NLRP8: variants seen among roughly 807,000 people sequenced by gnomAD.
NLRP8 encodes NLR family pyrin domain containing 8.
In NLRP8, 86 loss-of-function variants were observed where a neutral mutation model predicts 88.7. The ratio of observed to expected loss-of-function variants is 0.97; its 90% CI spans 0.81 to 1.16. The LOEUF is 1.16. Among genes scored for constraint, NLRP8 ranks in the 50% most tolerant of loss-of-function variants. The pLI, the probability that NLRP8 is intolerant of heterozygous loss-of-function variation, is 0.00. For synonymous variants in NLRP8, 504 were observed against 494.6 expected (o/e 1.02, Z -0.25); for missense variants, 1,342 against 1,286.5 (o/e 1.04, Z -0.66).
Position 55,955,458 on chromosome 19 carries a change from G to A in NLRP8, c.1400G>A (p.Trp467Ter). 2.5e-6 allele frequency: 4 copies of A among 1,614,118 alleles called. No individual in the cohort carries two copies. Among genetic ancestry groups the A allele is most frequent in the East Asian group, 4.5e-5 (2 of 44,900 alleles). Residue 467 changes from tryptophan to a stop codon, truncating the protein, a stop_gained, in exon 3 of 10, where the codon TGG becomes TAG. Coordinates refer to ENST00000291971, the MANE Select transcript of NLRP8 (RefSeq NM_176811.2). LOFTEE classifies it high-confidence loss of function. ...GCAGACAGCATGTGGCACAGGAAAT[G>A]GGTGTTAGGTAAAGAAGATCTTGAG...
At chr19:55,985,039 C>G (rs1051291965) in intron 9 of NLRP8, among the ~76,000 whole-genome samples, 3 of 152,188 alleles carry the variant, frequency 2.0e-5, no homozygotes, top group African/African-American at 4.8e-5. Flanking sequence ...CGCGGTGGCT[C>G]ACGCCTGTCA....
At chr19:55,977,369 A>G (rs62638011) in intron 8 of NLRP8, among the ~76,000 whole-genome samples, 7,895 of 144,112 alleles carry the variant, frequency 0.055, 287 homozygotes, top group Non-Finnish European at 0.081. Flanking sequence ...ATATATAAGT[A>G]TATATAAATA....
intron 9 of NLRP8, among the ~76,000 whole-genome samples, chr19:55,986,858 G>A (rs946883933): frequency 2.6e-5 from 4 of 152,070 alleles, no homozygotes; most frequent in African/African-American, 7.2e-5. Flanking sequence ...TGCCCTTCCC[G>A]CTTTTGTTCT....
At chr19:55,986,739 G>A (rs976778426) in intron 9 of NLRP8, among the ~76,000 whole-genome samples, 9 of 152,180 alleles carry the variant, frequency 5.9e-5, no homozygotes, top group African/African-American at 2.2e-4. Context: ...ACGTGGGCGT[G>A]GAGCTGGGCG....
rs550499918 is a variant in NLRP8 at position 55,974,735 on chromosome 19, C to CAAAA, written c.2705+925_2705+928dup. 4.7e-4 allele frequency among the ~76,000 whole-genome samples: 37 copies of CAAAA among 78,520 alleles called. 1 individual carries two copies. Among genetic ancestry groups the CAAAA allele is most frequent in the Admixed American group, 4.2e-4 (3 of 7,128 alleles). The allele number at this position is 78,520 out of a possible 152,430, so 51.5% of individuals were successfully genotyped here. ...TGGGCGACAGAGTGAGACTCTGTCT[C>CAAAA]AAAAAAAAAAAAAAAGAAAGAAAAA... On this transcript the variant is annotated intron_variant, in intron 7 of 9. Transcript: ENST00000291971.
rs988702128 is a variant in NLRP8 at position 55,988,444 on chromosome 19, G to GTATATATATATATATATATA, written c.*537_*556dup. The stretch of plus-strand genomic sequence containing the variant: ...CACATAAATATATATATGTGTGTGT[G>GTATATATATATATATATATA]TATATATATATATATATATATATAT... On this transcript the variant is annotated 3_prime_UTR_variant, in exon 10 of 10. Transcript: ENST00000291971. The GTATATATATATATATATATA allele has an allele frequency of 1.7e-4, 18 of 106,476 alleles. No homozygotes were observed. Among genetic ancestry groups the GTATATATATATATATATATA allele is most frequent in the Non-Finnish European group, 3.1e-4 (17 of 54,132 alleles). 6.6% of individuals were successfully genotyped at this position (106,476 alleles called of 1,614,324 possible).
Position 55,952,786 on chromosome 19 carries a change from C to T in NLRP8, c.442+174C>T, listed in dbSNP as rs73613404. Among the ~76,000 whole-genome samples, 32,164 of 151,892 alleles carry T rather than the reference C, an allele frequency of 0.21. 3,459 individuals carry two copies. The highest frequency in any genetic ancestry group is 0.23 in the Admixed American group (3,528 of 15,234). Reference sequence around the variant, plus strand: ...ACTAAAAACACAGAAACTAGCCGGGCGTGGTGGCAGTTGCCTGTAGTCCCA... The same window carrying T: ...ACTAAAAACACAGAAACTAGCCGGGTGTGGTGGCAGTTGCCTGTAGTCCCA... On this transcript the variant is annotated intron_variant, in intron 2 of 9. Coordinates refer to ENST00000291971, the MANE Select transcript of NLRP8 (RefSeq NM_176811.2).
At chr19:55,986,856 C>A (rs1313841272) in intron 9 of NLRP8, among the ~76,000 whole-genome samples, 1 of 152,154 alleles carries the variant, frequency 6.6e-6, no homozygotes, top group Non-Finnish European at 1.5e-5. Context: ...TCTGCCCTTC[C>A]CGCTTTTGTT....
At chr19:55,965,366 A>G (rs1186623692) in intron 4 of NLRP8, among the ~76,000 whole-genome samples, 1 of 151,864 alleles carries the variant, frequency 6.6e-6, no homozygotes, top group Non-Finnish European at 1.5e-5. Flanking sequence ...CAGGAGAATC[A>G]CTTGAACCTG....
chr19:55,984,468 AACAT>A (rs1980714801), intron 9 of NLRP8, among the ~76,000 whole-genome samples: 9 of 146,588 alleles, frequency 6.1e-5, no homozygotes, highest in African/African-American at 2.1e-4. Context: ...CGGCCTGGCC[AACAT>A]GGAGAAACCC....
In NLRP8 at chr19:55,971,439, C is replaced by CAA. The variant is rs34787079; in HGVS notation, c.2534+762_2534+763dup. On this transcript the variant is annotated intron_variant, in intron 6 of 9. Coordinates refer to ENST00000291971, the MANE Select transcript of NLRP8 (RefSeq NM_176811.2). ...CTGAATGACAGAGTGAGACTCGTCT[C>CAA]AAAAAAAAAAAAAAAAAAAAGGATT... 5.7e-3 allele frequency among the ~76,000 whole-genome samples: 497 copies of CAA among 86,488 alleles called. 4 individuals are homozygous for CAA. Among genetic ancestry groups the CAA allele is most frequent in the Non-Finnish European group, 7.4e-3 (323 of 43,938 alleles). 56.7% of individuals were successfully genotyped at this position (86,488 alleles called of 152,430 possible). A position where few individuals can be genotyped will look rare whatever the true frequency, so the allele number is the denominator to read the frequency against.
At position 55,973,699 on chromosome 19, in the gene NLRP8, C is replaced by G. The variant is rs749407950; in HGVS notation, c.2582C>G (p.Ser861Cys). 1 of 1,613,820 alleles carries G rather than the reference C, an allele frequency of 6.2e-7. No individual in the cohort carries two copies. Among genetic ancestry groups the G allele is most frequent in the Admixed American group, 1.7e-5 (1 of 59,994 alleles). Residue 861 changes from serine (S) to cysteine (C), a missense_variant, in exon 7 of 10, where the codon TCC (serine) becomes TGC (cysteine). Ser to Cys is a moderately radical substitution (Grantham distance 112, BLOSUM62 -1). Transcript: ENST00000291971. ...CAGCTTACTTGTGAAAGCCTTGCCT[C>G]CTGTCTCAGGCAGAGTAAGATGCTG... is the stretch of plus-strand genomic sequence containing the variant.
intron 9 of NLRP8, among the ~76,000 whole-genome samples, chr19:55,986,745 G>A (rs932637528): frequency 2.0e-5 from 3 of 152,174 alleles, no homozygotes; most frequent in East Asian, 1.9e-4. Flanking sequence ...GCGTGGAGCT[G>A]GGCGTGGCCT....
rs773976701 is a variant in NLRP8, at chr19:55,976,156, T to G, written c.2729T>G (p.Phe910Cys). 4.9e-5 allele frequency: 78 copies of G among 1,608,034 alleles called. 1 individual carries two copies. The South Asian group carries it at 7.6e-4, about 16-fold the overall frequency. ...AGACTGAGAAAGTGTGACTTGACCTTTAATTGCTGTCAGGATATGATCTCT... is the reference window on the plus strand; with the variant it reads ...AGACTGAGAAAGTGTGACTTGACCTGTAATTGCTGTCAGGATATGATCTCT... The change falls in exon 8 of 10, where the codon TTT (phenylalanine) becomes TGT (cysteine). Residue 910 changes from phenylalanine (F) to cysteine (C), a missense_variant. Phe to Cys is a radical substitution (Grantham distance 205). Coordinates refer to ENST00000291971, the MANE Select transcript of NLRP8 (RefSeq NM_176811.2).
At chr19:55,963,083 A>G (rs896667829) in intron 4 of NLRP8, among the ~76,000 whole-genome samples, 1 of 151,722 alleles carries the variant, frequency 6.6e-6, no homozygotes, top group Non-Finnish European at 1.5e-5. Flanking sequence ...GCTGGATCTC[A>G]GCTCACTGCA....
chr19:55,957,686 T>A (rs1250405055), intron 3 of NLRP8, among the ~76,000 whole-genome samples: 10 of 6,068 alleles, frequency 1.6e-3, no homozygotes, highest in Non-Finnish European at 5.4e-3. Context: ...TATATATATA[T>A]ATATATATAT....
At chr19:55,957,715 A>C in intron 3 of NLRP8, among the ~76,000 whole-genome samples, 1 of 112,002 alleles carries the variant, frequency 8.9e-6, no homozygotes, top group African/African-American at 3.7e-5. Context: ...ATATATATAT[A>C]TATATATATA....
chr19:55,976,014 A>G (rs1980295440), intron 7 of NLRP8, 119 bp from the exon 8 acceptor site: 1 of 1,017,152 alleles, frequency 9.8e-7, no homozygotes, highest in Non-Finnish European at 1.4e-6. Context: ...CAAAACAAAC[A>G]AATAAAAACA....
chr19:55,975,183 G>A (rs1308820428), intron 7 of NLRP8, among the ~76,000 whole-genome samples: 2 of 152,152 alleles, frequency 1.3e-5, no homozygotes, highest in Non-Finnish European at 2.9e-5. Context: ...AATATGAGCT[G>A]CTAAAAGGCA....
Sources: allele counts gnomAD v4.1 joint callset (sites outside exome capture counted in the v4.1 genomes callset), GRCh38; gene constraint gnomAD v4.1.1; transcripts MANE v1.5; gene names NCBI Gene and HGNC (gene_info 2026-07-23, HGNC 2026-07-21).